The following TIAM2 variants were observed in gnomAD, a reference collection of about 807,000 sequenced individuals.
TIAM2 encodes rho guanine nucleotide exchange factor TIAM2.
TIAM2 carries 80 observed loss-of-function variants against 152.9 expected under a neutral mutation model. The observed-to-expected ratio is 0.52, with a 90% CI of 0.44 to 0.63. The LOEUF (loss-of-function observed/expected upper bound fraction) is 0.63, where lower values mean the gene tolerates loss of function less well. Among genes scored for constraint, TIAM2 ranks in the 30% least tolerant of loss-of-function variants. TIAM2 has a pLI of 0.00. For synonymous variants in TIAM2, 804 were observed against 838.0 expected (o/e 0.96, Z 0.70); for missense variants, 1,965 against 2,120.1 (o/e 0.93, Z 1.44).
intron 1 of TIAM2, among the ~76,000 whole-genome samples, chr6:155,043,475 C>G (rs188272403): frequency 1.3e-5 from 2 of 151,722 alleles, no homozygotes; most frequent in East Asian, 3.9e-4. Flanking sequence ...GTACCAGAAA[C>G]AAAACAAACT....
In TIAM2 at chr6:155,059,690, G is replaced by GCC. The variant is rs1777534095; in HGVS notation, c.-208-30596_-208-30595dup. Among the ~76,000 whole-genome samples the GCC allele has an allele frequency of 2.0e-5, 3 of 152,264 alleles. No homozygotes were observed. The South Asian group carries it at 6.2e-4, about 32-fold the overall frequency. On this transcript the variant is annotated intron_variant, in intron 1 of 26. Transcript: ENST00000682666. ...GGACAGAATATCATAAAGGTGATAA[G>GCC]CCCCTCTCCTTGCACATGGTAGGGG...
intron 1 of TIAM2, among the ~76,000 whole-genome samples, chr6:155,070,240 A>G (rs1222859405): frequency 2.0e-5 from 1 of 49,874 alleles, no homozygotes; most frequent in Non-Finnish European, 3.2e-5. Context: ...TTTTTTTTTG[A>G]GATGGAGTCT....
intron 1 of TIAM2, among the ~76,000 whole-genome samples, chr6:155,044,989 T>A (rs80016219): frequency 0.065 from 9,847 of 151,900 alleles, 701 homozygotes; most frequent in African/African-American, 0.18. Flanking sequence ...CTTTTCATCT[T>A]TTGTTTTAAA....
chr6:154,999,093 G>T (rs1445476985), intron 1 of TIAM2, among the ~76,000 whole-genome samples: 2 of 152,148 alleles, frequency 1.3e-5, no homozygotes, highest in Admixed American at 1.3e-4. Flanking sequence ...AGTGGAATTT[G>T]GCCCATGTGT....
chr6:155,014,556 CT>C (rs1486045056), intron 1 of TIAM2, among the ~76,000 whole-genome samples: 1 of 152,068 alleles, frequency 6.6e-6, no homozygotes, highest in East Asian at 1.9e-4. Context: ...TAAGATGATT[CT>C]TTGCTGTTTG....
chr6:155,028,564 T>C (rs546914778), intron 1 of TIAM2, among the ~76,000 whole-genome samples: 12 of 139,192 alleles, frequency 8.6e-5, no homozygotes, highest in African/African-American at 3.1e-4. Flanking sequence ...AATATATATA[T>C]ACTGTGTTAC....
intron 1 of TIAM2, among the ~76,000 whole-genome samples, chr6:155,021,762 G>A (rs912117194): frequency 1.3e-5 from 2 of 152,212 alleles, no homozygotes; most frequent in East Asian, 3.9e-4. Context: ...GTGACTTGAC[G>A]GCCTAGCTTG....
At chr6:155,151,520 G>A (rs984716799) in intron 7 of TIAM2, among the ~76,000 whole-genome samples, 5 of 152,220 alleles carry the variant, frequency 3.3e-5, no homozygotes, top group African/African-American at 1.2e-4. Context: ...TACATATTTC[G>A]GAGGGACACA....
At chr6:155,170,860 A>G (rs928266396) in intron 9 of TIAM2, among the ~76,000 whole-genome samples, 6 of 152,200 alleles carry the variant, frequency 3.9e-5, no homozygotes, top group African/African-American at 1.4e-4. Flanking sequence ...AATTCCTTTC[A>G]TTTATAGGAC....
chr6:155,216,779 TG>T, intron 15 of TIAM2: 1 of 454,110 alleles, frequency 2.2e-6, no homozygotes, highest in Non-Finnish European at 3.2e-6. Context: ...TGGCCCTCTG[TG>T]GTCCCATTGT....
chr6:155,225,763 A>G (rs979844812), intron 15 of TIAM2, among the ~76,000 whole-genome samples: 2 of 150,950 alleles, frequency 1.3e-5, no homozygotes, highest in African/African-American at 4.9e-5. Flanking sequence ...GTAAAGTCTC[A>G]GATAAATACT....
At chr6:155,236,951 C>A (rs1389763299) in intron 15 of TIAM2, among the ~76,000 whole-genome samples, 1 of 152,220 alleles carries the variant, frequency 6.6e-6, no homozygotes, top group African/African-American at 2.4e-5. Flanking sequence ...CATATCTTCA[C>A]ATTTGAAAAC....
Position 155,129,881 on chromosome 6 carries a change from G to A in TIAM2, c.658G>A (p.Ala220Thr), listed in dbSNP as rs202198389. The change falls in exon 4 of 27, where the codon GCC (alanine) becomes ACC (threonine). Residue 220 changes from alanine (A) to threonine (T), a missense_variant. Ala to Thr is a moderately conservative substitution (Grantham distance 58). Transcript: ENST00000682666. This position sits in a 1 kb window ranked among gnomAD's most constrained non-coding sequence, Gnocchi z 4.8. Reference protein sequence around the residue: ...PVPEARRGSSADSLPSHRPSP... With the variant: ...PVPEARRGSSTDSLPSHRPSP... ...GCCTGAAGCCAGGAGGGGGTCCAGC[G>A]CCGATTCCCTGCCCAGCCATCGCCC... is the stretch of plus-strand genomic sequence containing the variant. 198 of 1,613,564 alleles carry A rather than the reference G, an allele frequency of 1.2e-4. No homozygotes were observed. Among genetic ancestry groups the A allele is most frequent in the Non-Finnish European group, 1.5e-4 (181 of 1,180,010 alleles).
intron 15 of TIAM2, among the ~76,000 whole-genome samples, chr6:155,226,446 G>T (rs1157578819): frequency 6.6e-6 from 1 of 152,164 alleles, no homozygotes; most frequent in African/African-American, 2.4e-5. Context: ...GAGGCAGGTG[G>T]ATCACTTGAG....
At chr6:155,034,664 C>A (rs1270101448) in intron 1 of TIAM2, among the ~76,000 whole-genome samples, 2 of 152,124 alleles carry the variant, frequency 1.3e-5, no homozygotes, top group Non-Finnish European at 2.9e-5. Context: ...AGAGTTGCAT[C>A]TCTCTGTGGA....
At chr6:155,163,918 G>T (rs1415524722) in intron 7 of TIAM2, among the ~76,000 whole-genome samples, 1 of 150,332 alleles carries the variant, frequency 6.7e-6, no homozygotes, top group African/African-American at 2.4e-5. Context: ...TTTTGTTTTT[G>T]TTTGGCTATC....
At chr6:155,117,590 G>A (rs551512628) in intron 2 of TIAM2, among the ~76,000 whole-genome samples, 1 of 152,228 alleles carries the variant, frequency 6.6e-6, no homozygotes, top group Admixed American at 6.5e-5. Flanking sequence ...CTACAGTCGT[G>A]TGCCACCACG....
At chr6:155,118,213 A>C (rs1779059573) in intron 2 of TIAM2, among the ~76,000 whole-genome samples, 1 of 151,944 alleles carries the variant, frequency 6.6e-6, no homozygotes, top group African/African-American at 2.4e-5. Flanking sequence ...TCCTCTCTCC[A>C]AACTTTGTCC....
chr6:155,072,069 T>G (rs1777851424), intron 1 of TIAM2, among the ~76,000 whole-genome samples: 1 of 152,100 alleles, frequency 6.6e-6, no homozygotes, highest in African/African-American at 2.4e-5. Context: ...TGGAGGCATT[T>G]GGAACACATG....
Sources: gnomAD v4.1 joint callset for allele counts (sites outside exome capture counted in the v4.1 genomes callset) on GRCh38, gnomAD v4.1.1 for gene constraint, Gnocchi (gnomAD v3.1) non-coding constraint, MANE v1.5 for transcripts, NCBI Gene and HGNC (gene_info 2026-07-23, HGNC 2026-07-21) for gene names.